The following SPEF2 variants were observed in gnomAD, a reference collection of about 807,000 sequenced individuals.
SPEF2 encodes the protein sperm flagellar and cilia associated 2, also known as sperm flagella and cilia-associated protein 2.
Under a neutral mutation model 224.6 loss-of-function variants are expected in SPEF2, and 187 were observed. The ratio of observed to expected loss-of-function variants is 0.83; its 90% confidence interval spans 0.74 to 0.94. SPEF2 has a LOEUF of 0.94. SPEF2 is among the 40% of genes least tolerant of loss of function. SPEF2 has a pLI of 0.00. For missense variants in SPEF2, 2,170 were observed against 2,135.6 expected (o/e 1.02, Z -0.32); for synonymous variants, 715 against 707.3 (o/e 1.01, Z -0.17).
At chr5:35,813,501 T>A (rs1016462502) in intron 36 of SPEF2, among the ~76,000 whole-genome samples, 13 of 152,042 alleles carry the variant, frequency 8.6e-5, no homozygotes, top group African/African-American at 2.9e-4. Context: ...CTAAAAAAAA[T>A]AAATAATAAA....
chr5:35,747,021 C>T (rs752893006), intron 23 of SPEF2, among the ~76,000 whole-genome samples: 9 of 152,146 alleles, frequency 5.9e-5, no homozygotes, highest in Non-Finnish European at 1.3e-4. Context: ...TATCTTCAGC[C>T]TCCTCAAACG....
chr5:35,662,597 T>C (rs116179577), intron 8 of SPEF2, among the ~76,000 whole-genome samples: 8,147 of 152,250 alleles, frequency 0.054, 242 homozygotes, highest in African/African-American at 0.061. Context: ...CTTGAGTTAA[T>C]TATTGTATAT....
chr5:35,710,953 C>G, intron 19 of SPEF2: 2 of 886,998 alleles, frequency 2.3e-6, no homozygotes, highest in Non-Finnish European at 2.7e-6. Context: ...ATTGCTGCCA[C>G]CCAACCTTAC....
Position 35,659,076 on chromosome 5 carries a change from C to T in SPEF2, c.1036C>T (p.Arg346Cys), listed in dbSNP as rs573848490. Residue 346 changes from arginine to cysteine, a missense_variant, in exon 8 of 37, where the codon CGC (arginine) becomes TGC (cysteine). Physicochemically the swap from Arg to Cys is radical, Grantham distance 180 (BLOSUM62 -3). Coordinates refer to ENST00000356031, the MANE Select transcript of SPEF2 (RefSeq NM_024867.4). Reference protein sequence around the residue: ...NRLMRQSQQERRIAVQLMHVR... With the variant: ...NRLMRQSQQECRIAVQLMHVR... The stretch of plus-strand genomic sequence containing the variant: ...GCTGATGCGGCAGTCCCAGCAGGAG[C>T]GCAGGATTGCCGTGCAGCTCATGCA... 37 of 1,609,584 alleles carry T rather than the reference C, an allele frequency of 2.3e-5. No individual in the cohort carries two copies. The highest frequency in any genetic ancestry group is 1.7e-4 in the South Asian group (15 of 90,524).
Position 35,759,868 on chromosome 5 carries a change from AC to A in SPEF2, c.3620+150del, listed in dbSNP as rs1750984920. Reference sequence around the variant, plus strand: ...AATAACCAAACATGTTTTTTTTTTAACGTTAGTGTGTCATTGACTTAAGACT... The same window carrying A: ...AATAACCAAACATGTTTTTTTTTTAAGTTAGTGTGTCATTGACTTAAGACT... On this transcript the variant is annotated intron_variant, in intron 25 of 36. Transcript: ENST00000356031. 10 of 691,506 alleles carry A rather than the reference AC, an allele frequency of 1.4e-5. No homozygotes were observed. In the Admixed American group the frequency reaches 1.9e-4, roughly 13 times the overall value. 42.8% of individuals were successfully genotyped at this position (691,506 alleles called of 1,614,324 possible).
At chr5:35,736,914 C>CAAA (rs577946529) in intron 21 of SPEF2, among the ~76,000 whole-genome samples, 2 of 31,474 alleles carry the variant, frequency 6.4e-5, no homozygotes, top group South Asian at 1.6e-3. Flanking sequence ...CTGGAGCATC[C>CAAA]AAAAAAATAA....
At position 35,670,109 on chromosome 5, in the gene SPEF2, C is replaced by A; in HGVS notation, c.1406C>A (p.Ala469Glu). The A allele has an allele frequency of 1.2e-6, 2 of 1,610,090 alleles. No homozygotes were observed. Among genetic ancestry groups the A allele is most frequent in the South Asian group, 1.1e-5 (1 of 90,156 alleles). The change falls in exon 10 of 37, where the codon GCA (alanine) becomes GAA (glutamate). Residue 469 changes from alanine (A) to glutamate (E), a missense_variant. Coordinates refer to ENST00000356031, the MANE Select transcript of SPEF2 (RefSeq NM_024867.4). ...MHDWKELFFN[A>E]KPIYEQASVK... ...GATTGGAAGGAACTATTTTTTAATG[C>A]AAAACCCATATATGAACAAGCCTCT... is the stretch of plus-strand genomic sequence containing the variant.
intron 31 of SPEF2, 57 bp downstream of exon 31, chr5:35,792,503 C>T: frequency 2.2e-6 from 3 of 1,387,882 alleles, no homozygotes; most frequent in Non-Finnish European, 3.1e-6. Context: ...TTGATCAATG[C>T]ATCAATAGTT....
intron 1 of SPEF2, among the ~76,000 whole-genome samples, chr5:35,619,880 A>G (rs1040570132): frequency 8.8e-6 from 1 of 113,044 alleles, no homozygotes; most frequent in African/African-American, 5.2e-5. Context: ...GATAAACATA[A>G]AAGGGCTGAA....
At chr5:35,733,058 CT>C (rs775426852) in intron 21 of SPEF2, among the ~76,000 whole-genome samples, 18 of 152,200 alleles carry the variant, frequency 1.2e-4, no homozygotes, top group South Asian at 4.1e-4. Context: ...ATATCCCCCC[CT>C]GACAAATGGA....
intron 21 of SPEF2, among the ~76,000 whole-genome samples, chr5:35,729,817 A>C (rs1745327981): frequency 6.6e-6 from 1 of 152,074 alleles, no homozygotes; most frequent in Admixed American, 6.5e-5. Flanking sequence ...GTCTCACGAG[A>C]TCTGATGGGC....
intron 21 of SPEF2, among the ~76,000 whole-genome samples, chr5:35,736,465 C>G (rs1394559987): frequency 7.6e-6 from 1 of 131,290 alleles, no homozygotes; most frequent in African/African-American, 3.2e-5. Flanking sequence ...AGGCAAGTGA[C>G]AGAGTGTGTG....
At position 35,795,719 on chromosome 5, in the gene SPEF2, C is replaced by T. The variant is rs1756571353; in HGVS notation, c.4754C>T (p.Thr1585Ile). 3.1e-6 allele frequency: 5 copies of T among 1,613,654 alleles called. No homozygotes were observed. The highest frequency in any genetic ancestry group is 4.2e-6 in the Non-Finnish European group (5 of 1,179,780). The change falls in exon 33 of 37, where the codon ACA becomes ATA. Residue 1585 changes from threonine (T) to isoleucine (I), a missense_variant. Coordinates refer to ENST00000356031, the MANE Select transcript of SPEF2 (RefSeq NM_024867.4). ...TTTATGTAGGCTGGTCTGTGGTTTACAGGAGATGAAGATATAAAAATTCCA... is the reference window on the plus strand; with the variant it reads ...TTTATGTAGGCTGGTCTGTGGTTTATAGGAGATGAAGATATAAAAATTCCA... ...EQYMQAGLWF[T>I]GDEDIKIPEN...
intron 2 of SPEF2, among the ~76,000 whole-genome samples, chr5:35,635,827 C>T (rs1181178521): frequency 5.3e-5 from 8 of 152,158 alleles, no homozygotes; most frequent in African/African-American, 1.9e-4. Context: ...TAAATAAGCA[C>T]TGGCAGTGTG....
chr5:35,733,807 T>C lies in SPEF2; in HGVS notation c.3063+5984T>C, dbSNP rs986729308. On this transcript the variant is annotated intron_variant, in intron 21 of 36. Transcript: ENST00000356031. Reference sequence around the variant, plus strand: ...ATTGTTTAAAAAAAAAAAAAGTGGATTGTGACTGGTCTATGTTCAAATCCC... The same window carrying C: ...ATTGTTTAAAAAAAAAAAAAGTGGACTGTGACTGGTCTATGTTCAAATCCC... Among the ~76,000 whole-genome samples, 4 of 151,948 alleles carry C rather than the reference T, an allele frequency of 2.6e-5. 1 individual carries two copies. The South Asian group carries it at 8.3e-4, about 31-fold the overall frequency.
Position 35,771,760 on chromosome 5 carries a change from T to C in SPEF2, c.3949+4T>C. 1 of 1,586,290 alleles carries C rather than the reference T, an allele frequency of 6.3e-7. No individual in the cohort carries two copies. Among genetic ancestry groups the C allele is most frequent in the Non-Finnish European group, 8.5e-7 (1 of 1,173,090 alleles). ...CAGGAAGACAAAAAACCCAAAGGTATTTATGGTTTTAGCACTCAGAACCCT... is the reference window on the plus strand; with the variant it reads ...CAGGAAGACAAAAAACCCAAAGGTACTTATGGTTTTAGCACTCAGAACCCT... On this transcript the variant is annotated splice_donor_region_variant and intron_variant, in intron 27 of 36. Coordinates refer to ENST00000356031, the MANE Select transcript of SPEF2 (RefSeq NM_024867.4).
chr5:35,745,320 G>T lies in SPEF2; in HGVS notation c.3330+5053G>T, dbSNP rs569832838. On this transcript the variant is annotated intron_variant, in intron 23 of 36. Transcript: ENST00000356031. ...ATTTGAACTGGGCAAGAAGCCTCCC[G>T]GCCAGAGCTCGGGGGAGGGTGCACA... Among the ~76,000 whole-genome samples, 14 of 152,234 alleles carry T rather than the reference G, an allele frequency of 9.2e-5. No individual in the cohort carries two copies. In the East Asian group the frequency reaches 2.5e-3, roughly 27 times the overall value.
intron 23 of SPEF2, among the ~76,000 whole-genome samples, chr5:35,751,576 A>C (rs981583244): frequency 6.6e-6 from 1 of 152,158 alleles, no homozygotes; most frequent in Non-Finnish European, 1.5e-5. Context: ...TGAAGATATC[A>C]AGATCAGCTC....
At chr5:35,786,187 C>G (rs1466591649) in intron 30 of SPEF2, among the ~76,000 whole-genome samples, 1 of 151,984 alleles carries the variant, frequency 6.6e-6, no homozygotes, top group African/African-American at 2.4e-5. Context: ...GTGAGCAGCC[C>G]CCAGGTGTAG....
Sources: gnomAD v4.1 joint callset for allele counts (sites outside exome capture counted in the v4.1 genomes callset) on GRCh38, gnomAD v4.1.1 for gene constraint, MANE v1.5 for transcripts, NCBI Gene and HGNC (gene_info 2026-07-23, HGNC 2026-07-21) for gene names.